FSIP1: variants seen among roughly 807,000 people sequenced by gnomAD.
The protein encoded by FSIP1 is fibrous sheath interacting protein 1.
Under a neutral mutation model 60.9 loss-of-function variants are expected in FSIP1, and 65 were observed. The observed-to-expected ratio is 1.07, with a 90% CI of 0.87 to 1.31. FSIP1 has a LOEUF of 1.31. Ranked by LOEUF, FSIP1 falls within the 40% of genes most tolerant of loss-of-function variation. FSIP1 has a pLI of 0.00. For missense variants in FSIP1, 675 were observed against 665.5 expected, an observed-to-expected ratio of 1.01 and a Z score of -0.16; for synonymous variants, 209 against 221.2, an observed-to-expected ratio of 0.94 and a Z score of 0.49.
chr15:39,725,601 C>T (rs1270570241), intron 9 of FSIP1, among the ~76,000 whole-genome samples: 1 of 152,218 alleles, frequency 6.6e-6, no homozygotes, highest in Non-Finnish European at 1.5e-5. Context: ...TCATGGTCAT[C>T]TACAATTGTA....
chr15:39,639,169 T>C lies in FSIP1; in HGVS notation c.1189-20924A>G, dbSNP rs1892256455. On this transcript the variant is annotated intron_variant, in intron 10 of 11. Coordinates refer to ENST00000350221, the MANE Select transcript of FSIP1 (RefSeq NM_152597.5). The stretch of plus-strand genomic sequence containing the variant: ...CCCAACTAACACCAAAGACCAAAGT[T>C]CACCATTTTGCTTTTTTCTGAGGCT... Among the ~76,000 whole-genome samples, 3 of 152,188 alleles carry C rather than the reference T, an allele frequency of 2.0e-5. No homozygotes were observed. The South Asian group carries it at 6.2e-4, about 32-fold the overall frequency.
chr15:39,748,018 C>T (rs1174957078), intron 5 of FSIP1, among the ~76,000 whole-genome samples: 1 of 152,146 alleles, frequency 6.6e-6, no homozygotes, highest in Non-Finnish European at 1.5e-5. Flanking sequence ...GCATCCTTCA[C>T]TGCCTTGATT....
At chr15:39,602,240 A>G (rs1304019248) in intron 11 of FSIP1, 1 of 437,232 alleles carries the variant, frequency 2.3e-6, no homozygotes, top group East Asian at 7.2e-5. Context: ...GAGGGAGGCA[A>G]TGTGAAGACG....
chr15:39,773,676 A>T (rs935513957), intron 2 of FSIP1, among the ~76,000 whole-genome samples: 27 of 152,362 alleles, frequency 1.8e-4, no homozygotes, highest in African/African-American at 6.5e-4. Flanking sequence ...TCTACTTAAA[A>T]TTTTTTAAAA....
chr15:39,742,228 A>G (rs1271617924), intron 5 of FSIP1, among the ~76,000 whole-genome samples: 1 of 152,232 alleles, frequency 6.6e-6, no homozygotes, highest in East Asian at 1.9e-4. Flanking sequence ...CTTGATGTTC[A>G]TAATACAGAG....
At chr15:39,632,996 G>A (rs1381591724) in intron 10 of FSIP1, among the ~76,000 whole-genome samples, 1 of 151,414 alleles carries the variant, frequency 6.6e-6, no homozygotes, top group East Asian at 1.9e-4. Flanking sequence ...ACAGAGATAT[G>A]GACTCAGAAT....
At chr15:39,735,184 G>A (rs963052326) in intron 8 of FSIP1, among the ~76,000 whole-genome samples, 4 of 152,106 alleles carry the variant, frequency 2.6e-5, no homozygotes, top group Non-Finnish European at 5.9e-5. Context: ...GTTATGTGTC[G>A]CTTAACGACA....
chr15:39,646,233 A>G (rs1841215515), intron 10 of FSIP1, among the ~76,000 whole-genome samples: 1 of 152,142 alleles, frequency 6.6e-6, no homozygotes, highest in African/African-American at 2.4e-5. Context: ...ACCTGCCAGT[A>G]GAGAGGAGCT....
intron 5 of FSIP1, among the ~76,000 whole-genome samples, chr15:39,744,580 C>T (rs544064723): frequency 6.6e-6 from 1 of 152,170 alleles, no homozygotes; most frequent in African/African-American, 2.4e-5. Flanking sequence ...CTGGAGAAAC[C>T]CACAGCAGAG....
intron 11 of FSIP1, among the ~76,000 whole-genome samples, chr15:39,610,988 T>G (rs1891007957): frequency 6.6e-6 from 1 of 152,200 alleles, no homozygotes; most frequent in Non-Finnish European, 1.5e-5. Flanking sequence ...GGAGCTAAGC[T>G]GAAATAAAAG....
chr15:39,682,585 T>C (rs1028027979), intron 10 of FSIP1, among the ~76,000 whole-genome samples: 1 of 152,184 alleles, frequency 6.6e-6, no homozygotes, highest in African/African-American at 2.4e-5. Context: ...CTCTGGACCA[T>C]TGTGTCTCTA....
rs55691651 is a variant in FSIP1 at position 39,744,777 on chromosome 15, T to TCACACACACA, written c.560-2887_560-2878dup. Among the ~76,000 whole-genome samples the TCACACACACA allele has an allele frequency of 5.9e-3, 810 of 138,044 alleles. 11 individuals carry two copies. Among genetic ancestry groups the TCACACACACA allele is most frequent in the African/African-American group, 0.014 (517 of 36,306 alleles). 90.6% of individuals were successfully genotyped at this position (138,044 alleles called of 152,430 possible). On this transcript the variant is annotated intron_variant, in intron 5 of 11. Coordinates refer to ENST00000350221, the MANE Select transcript of FSIP1 (RefSeq NM_152597.5). Reference sequence around the variant, plus strand: ...CTCTCTCTCTCTCTCTCCCCCTCAGTCACACACACACACACACACACACAC... The same window carrying TCACACACACA: ...CTCTCTCTCTCTCTCTCCCCCTCAGTCACACACACACACACACACACACACACACACACAC...
At chr15:39,770,852 A>G (rs7179742) in intron 2 of FSIP1, among the ~76,000 whole-genome samples, 66,136 of 152,108 alleles carry the variant, frequency 0.43, 15,069 homozygotes, top group Admixed American at 0.5. Flanking sequence ...AAGAGTCTAC[A>G]TCAGTCCTGA....
chr15:39,603,385 G>T (rs1789857265), intron 11 of FSIP1, among the ~76,000 whole-genome samples: 1 of 152,182 alleles, frequency 6.6e-6, no homozygotes. Context: ...GAACCAAGCT[G>T]CTAATCTGTT....
In FSIP1 at chr15:39,726,606, C is replaced by CA. The variant is rs533786228; in HGVS notation, c.1032dup (p.Glu345Ter). 1.9e-3 allele frequency: 3,130 copies of CA among 1,614,056 alleles called. 6 individuals are homozygous for CA. The highest frequency in any genetic ancestry group is 2.5e-3 in the Non-Finnish European group (2,931 of 1,179,982). ...TCAAATACCTGATTATTCCGATTTT[C>CA]AAGTCTTGGAGAAAAACTGGAAATT... On this transcript the variant is annotated frameshift_variant, in exon 9 of 12. Coordinates refer to ENST00000350221, the MANE Select transcript of FSIP1 (RefSeq NM_152597.5). LOFTEE classifies it high-confidence loss of function.
intron 9 of FSIP1, among the ~76,000 whole-genome samples, chr15:39,721,471 T>C (rs1463111868): frequency 1.3e-5 from 2 of 152,262 alleles, no homozygotes; most frequent in East Asian, 1.9e-4. Flanking sequence ...TCTTGTTTCA[T>C]TGCACAGTTA....
At chr15:39,623,787 A>C (rs1426617515) in intron 10 of FSIP1, among the ~76,000 whole-genome samples, 1 of 152,176 alleles carries the variant, frequency 6.6e-6, no homozygotes, top group Non-Finnish European at 1.5e-5. Flanking sequence ...CTGAGAAACC[A>C]CCAGGCACCA....
chr15:39,624,414 C>A (rs540817504), intron 10 of FSIP1, among the ~76,000 whole-genome samples: 1 of 152,254 alleles, frequency 6.6e-6, no homozygotes, highest in African/African-American at 2.4e-5. Flanking sequence ...AAAATACCTA[C>A]CTGTGCATAG....
chr15:39,647,593 A>T (rs1335221043), intron 10 of FSIP1, among the ~76,000 whole-genome samples: 1 of 152,094 alleles, frequency 6.6e-6, no homozygotes, highest in Non-Finnish European at 1.5e-5. Context: ...CTACCCCATG[A>T]CATCACTGGT....
Sources: allele counts gnomAD v4.1 joint callset (sites outside exome capture counted in the v4.1 genomes callset), GRCh38; gene constraint gnomAD v4.1.1; transcripts MANE v1.5; gene names NCBI Gene and HGNC (gene_info 2026-07-23, HGNC 2026-07-21).